CTNNA3: variants seen among roughly 807,000 people sequenced by gnomAD.
The protein encoded by CTNNA3 is catenin alpha 3, also known as catenin alpha-3.
A neutral mutation model predicts 95.7 loss-of-function variants in CTNNA3; 76 were observed. The observed-to-expected ratio is 0.79, with a 90% CI of 0.66 to 0.96. The LOEUF (loss-of-function observed/expected upper bound fraction) is 0.96. Among genes scored for constraint, CTNNA3 ranks in the 40% least tolerant of loss-of-function variants. The probability of loss-of-function intolerance (pLI) is 0.00; values close to 1 mark genes in which losing one functional copy is unlikely to be tolerated. For synonymous variants in CTNNA3, 431 were observed against 374.4 expected, an observed-to-expected ratio of 1.15 and a Z score of -1.74; for missense variants, 1,191 against 1,089.8, an observed-to-expected ratio of 1.09 and a Z score of -1.31.
intron 7 of CTNNA3, among the ~76,000 whole-genome samples, chr10:67,021,172 G>A (rs1474665003): frequency 2.0e-5 from 3 of 152,070 alleles, no homozygotes; most frequent in Non-Finnish European, 4.4e-5. Flanking sequence ...TTAGGCAAAA[G>A]TATCAAGATC....
rs1029223949 is a variant in CTNNA3, at chr10:66,069,368, T to C, written c.2099A>G (p.Asp700Gly). ...CATGTTCTTGGCCAGAACAATGATGTCGTTGCTTGTATCATCCCATATCTC... is the reference window on the plus strand; with the variant it reads ...CATGTTCTTGGCCAGAACAATGATGCCGTTGCTTGTATCATCCCATATCTC... The part of the protein sequence containing the change: ...EIEIWDDTSN[D>G]IIVLAKNMCM... The change falls in exon 15 of 18, where the codon GAC (aspartate) becomes GGC (glycine). Residue 700 changes from aspartate to glycine, a missense_variant. Asp to Gly is a moderately conservative substitution (Grantham distance 94). Coordinates refer to ENST00000433211, the MANE Select transcript of CTNNA3 (RefSeq NM_013266.4). The C allele has an allele frequency of 1.2e-6, 2 of 1,613,652 alleles. No homozygotes were observed. Among genetic ancestry groups the C allele is most frequent in the Non-Finnish European group, 1.7e-6 (2 of 1,179,768 alleles).
chr10:67,431,820 C>T (rs1035322872), intron 5 of CTNNA3, among the ~76,000 whole-genome samples: 1 of 151,914 alleles, frequency 6.6e-6, no homozygotes, highest in African/African-American at 2.4e-5. Context: ...AAACAGGAGC[C>T]TTTCCAAAAA....
intron 6 of CTNNA3, among the ~76,000 whole-genome samples, chr10:67,218,081 T>G (rs1050796508): frequency 2.6e-5 from 4 of 152,208 alleles, no homozygotes; most frequent in African/African-American, 9.6e-5. Flanking sequence ...GATAATTCAT[T>G]AGGTATATGC....
At chr10:67,513,416 T>G (rs1312537609) in intron 5 of CTNNA3, among the ~76,000 whole-genome samples, 1 of 152,224 alleles carries the variant, frequency 6.6e-6, no homozygotes, top group African/African-American at 2.4e-5. Context: ...CCTTTCTTCT[T>G]GAGTAGGAAA....
chr10:66,215,496 C>G (rs780912581), intron 13 of CTNNA3, among the ~76,000 whole-genome samples: 23 of 152,250 alleles, frequency 1.5e-4, no homozygotes, highest in African/African-American at 3.4e-4. Flanking sequence ...ATGACTCCAT[C>G]TCTGGGAATT....
intron 5 of CTNNA3, among the ~76,000 whole-genome samples, chr10:67,508,452 T>C (rs2133121833): frequency 6.6e-6 from 1 of 152,150 alleles, no homozygotes; most frequent in East Asian, 1.9e-4. Flanking sequence ...AAATTGAATA[T>C]CCACATACCA....
At chr10:67,173,327 T>C (rs1436666131) in intron 7 of CTNNA3, among the ~76,000 whole-genome samples, 3 of 152,180 alleles carry the variant, frequency 2.0e-5, no homozygotes, top group Admixed American at 2.0e-4. Flanking sequence ...GCTCCTGGGA[T>C]GATATGCCAT....
chr10:66,310,686 C>T (rs1589067042), intron 12 of CTNNA3, among the ~76,000 whole-genome samples: 2 of 132,610 alleles, frequency 1.5e-5, no homozygotes, highest in South Asian at 2.4e-4. Flanking sequence ...TTATACATAA[C>T]TTTTTTTTTT....
intron 10 of CTNNA3, among the ~76,000 whole-genome samples, chr10:66,577,218 G>GGCCTTTGTCA (rs1359845650): frequency 6.6e-6 from 1 of 151,762 alleles, no homozygotes; most frequent in Non-Finnish European, 1.5e-5. Flanking sequence ...TACAGATTCT[G>GGCCTTTGTCA]GATAATAGGC....
At chr10:66,789,761 T>C (rs1469068126) in intron 7 of CTNNA3, among the ~76,000 whole-genome samples, 1 of 152,106 alleles carries the variant, frequency 6.6e-6, no homozygotes, top group African/African-American at 2.4e-5. Context: ...GTGGGGATAG[T>C]GATATTCAAA....
intron 7 of CTNNA3, among the ~76,000 whole-genome samples, chr10:67,153,485 T>C (rs1006296243): frequency 1.3e-5 from 2 of 152,234 alleles, no homozygotes; most frequent in African/African-American, 4.8e-5. Context: ...TATTCCTTTT[T>C]TCAGATAAGA....
At chr10:67,602,229 A>G (rs920070742) in intron 3 of CTNNA3, among the ~76,000 whole-genome samples, 3 of 152,178 alleles carry the variant, frequency 2.0e-5, no homozygotes, top group African/African-American at 7.2e-5. Flanking sequence ...ACTACTTAAA[A>G]TATGTTTCAA....
At chr10:67,038,943 T>C (rs949132631) in intron 7 of CTNNA3, among the ~76,000 whole-genome samples, 45 of 152,164 alleles carry the variant, frequency 3.0e-4, no homozygotes, top group African/African-American at 1.0e-3. Context: ...ATGTAAAAAA[T>C]AGTCTTTTGA....
intron 17 of CTNNA3, among the ~76,000 whole-genome samples, chr10:65,941,275 G>A (rs941303575): frequency 6.6e-6 from 1 of 152,160 alleles, no homozygotes; most frequent in Non-Finnish European, 1.5e-5. Flanking sequence ...CAGCCAGGCA[G>A]TCTGGGTCCA....
At chr10:67,497,288 T>C (rs1839057390) in intron 5 of CTNNA3, among the ~76,000 whole-genome samples, 1 of 152,214 alleles carries the variant, frequency 6.6e-6, no homozygotes, top group South Asian at 2.1e-4. Flanking sequence ...CTGCATAGTG[T>C]TCCATGGTAT....
chr10:65,936,435 G>A (rs1031844646), intron 17 of CTNNA3, among the ~76,000 whole-genome samples: 1 of 152,016 alleles, frequency 6.6e-6, no homozygotes, highest in Admixed American at 6.6e-5. Flanking sequence ...GCATCAAGCT[G>A]TCTTGAAGTC....
chr10:65,915,748 G>T lies in CTNNA3; in HGVS notation c.*4582C>A, dbSNP rs749983955. The T allele has an allele frequency of 3.9e-5, 6 of 152,084 alleles. No individual in the cohort carries two copies. Among genetic ancestry groups the T allele is most frequent in the African/African-American group, 1.4e-4 (6 of 41,424 alleles). The allele number at this position is 152,084 out of a possible 1,614,324, so 9.4% of individuals were successfully genotyped here. On this transcript the variant is annotated 3_prime_UTR_variant, in exon 18 of 18. Coordinates refer to ENST00000433211, the MANE Select transcript of CTNNA3 (RefSeq NM_013266.4). ...ACTTTCTTTTAGAGTGTCCAGAAAT[G>T]GATTCTATCTTGTCTGTTAGGGGGA...
At chr10:66,048,946 A>G (rs1197376819) in intron 15 of CTNNA3, among the ~76,000 whole-genome samples, 1 of 150,050 alleles carries the variant, frequency 6.7e-6, no homozygotes, top group Non-Finnish European at 1.5e-5. Context: ...AGTGGGAACT[A>G]ATTAAAATTA....
chr10:66,124,614 G>A (rs2133827208), intron 13 of CTNNA3, among the ~76,000 whole-genome samples: 1 of 152,252 alleles, frequency 6.6e-6, no homozygotes, highest in Admixed American at 6.5e-5. Flanking sequence ...TACTTGAGAT[G>A]GGGCAATTTA....
Sources: allele counts gnomAD v4.1 joint callset (sites outside exome capture counted in the v4.1 genomes callset), GRCh38; gene constraint gnomAD v4.1.1; transcripts MANE v1.5; gene names NCBI Gene and HGNC (gene_info 2026-07-23, HGNC 2026-07-21).